SLC25A51: variants seen among roughly 807,000 people sequenced by gnomAD.
The protein encoded by SLC25A51 is mitochondrial nicotinamide adenine dinucleotide transporter SLC25A51.
SLC25A51 carries 11 observed loss-of-function variants against 19.1 expected under a neutral mutation model. The observed-to-expected ratio is 0.58, with a 90% CI of 0.36 to 0.96. The LOEUF is 0.96. Among genes scored for constraint, SLC25A51 ranks in the 40% least tolerant of loss-of-function variants. The pLI, the probability that SLC25A51 is intolerant of heterozygous loss-of-function variation, is 0.01. For missense variants in SLC25A51, 201 were observed against 365.4 expected, an observed-to-expected ratio of 0.55 and a Z score of 3.67; for synonymous variants, 105 against 133.6, an observed-to-expected ratio of 0.79 and a Z score of 1.47.
chr9:37,902,136 CA>C (rs1831861875), intron 1 of SLC25A51, among the ~76,000 whole-genome samples: 2 of 152,202 alleles, frequency 1.3e-5, no homozygotes, highest in Non-Finnish European at 2.9e-5. Flanking sequence ...GCTGTTTACA[CA>C]TGCTCCTTGA....
At chr9:37,886,767 T>C (rs1831465701), downstream of SLC25A51, among the ~76,000 whole-genome samples, 1 of 152,224 alleles carries the variant, frequency 6.6e-6, no homozygotes, top group Non-Finnish European at 1.5e-5. Flanking sequence ...TAGACCTAGA[T>C]TTAACCCTAA....
At chr9:37,893,425 T>C (rs1831642302) in intron 2 of SLC25A51, among the ~76,000 whole-genome samples, 1 of 152,178 alleles carries the variant, frequency 6.6e-6, no homozygotes, top group Admixed American at 6.5e-5. Context: ...GCCCAAAGTC[T>C]ACCCTAAGGA....
chr9:37,887,553 A>C, downstream of SLC25A51: 1 of 1,361,144 alleles, frequency 7.3e-7, no homozygotes, highest in Non-Finnish European at 9.9e-7. Flanking sequence ...GGCTTTCCAT[A>C]ATAAGATTGG....
chr9:37,882,033 T>C (rs1831358478), intron 2 of SLC25A51, among the ~76,000 whole-genome samples: 2 of 152,200 alleles, frequency 1.3e-5, no homozygotes, highest in South Asian at 4.1e-4. Flanking sequence ...TTAACCACTT[T>C]CAATAATGAA....
chr9:37,902,532 A>G (rs1246101729), intron 1 of SLC25A51, among the ~76,000 whole-genome samples: 1 of 152,242 alleles, frequency 6.6e-6, no homozygotes, highest in Non-Finnish European at 1.5e-5. Flanking sequence ...TAGAAGGATA[A>G]TGTGCACAGC....
intron 2 of SLC25A51, among the ~76,000 whole-genome samples, chr9:37,891,271 C>T (rs1279969727): frequency 3.3e-5 from 5 of 152,236 alleles, no homozygotes; most frequent in African/African-American, 7.2e-5. Flanking sequence ...CCGCCCCGTC[C>T]GGGAGGTGGG....
At chr9:37,877,901 G>C (rs1831283016), downstream of SLC25A51, among the ~76,000 whole-genome samples, 1 of 152,166 alleles carries the variant, frequency 6.6e-6, no homozygotes, top group Non-Finnish European at 1.5e-5. Flanking sequence ...CCAGCTACTG[G>C]CAATGCTGAG....
chr9:37,895,996 TA>T (rs1379135275), intron 2 of SLC25A51, among the ~76,000 whole-genome samples: 2 of 152,106 alleles, frequency 1.3e-5, no homozygotes, highest in African/African-American at 2.4e-5. Flanking sequence ...ATATTTTTAG[TA>T]AAGACAAGGT....
At chr9:37,885,548 C>A, downstream of SLC25A51, 1 of 610,898 alleles carries the variant, frequency 1.6e-6, no homozygotes, top group South Asian at 1.9e-5. Context: ...CGCCACCACG[C>A]CTGGCTAATT....
Position 37,887,635 on chromosome 9 carries a change from T to A in SLC25A51, c.*22A>T. On this transcript the variant is annotated 3_prime_UTR_variant, in exon 3 of 3. Coordinates refer to ENST00000242275, the MANE Select transcript of SLC25A51 (RefSeq NM_033412.4). ...TTAGAAGGTCTATTCAGTTGATAAA[T>A]GGCACTTAACTGATGGTTTTTTCAT... The A allele has an allele frequency of 6.3e-7, 1 of 1,586,714 alleles. No homozygotes were observed. Among genetic ancestry groups the A allele is most frequent in the Non-Finnish European group, 8.6e-7 (1 of 1,168,876 alleles).
chr9:37,887,945 A>G lies in SLC25A51; in HGVS notation c.606T>C (p.Pro202=), dbSNP rs751776838. ...GLRGPIKEHL[P]TATTHSAHLV... is the part of the protein sequence containing the mutation. ...GATGAGCACTGTGAGTCGTTGCGGT[A>G]GGCAGATGCTCCTTAATGGGACCTC... is the stretch of plus-strand genomic sequence containing the variant. The change falls in exon 3 of 3, where the codon CCT becomes CCC. Residue 202 remains proline, a synonymous_variant. Transcript: ENST00000242275. 1 of 1,611,926 alleles carries G rather than the reference A, an allele frequency of 6.2e-7. No homozygotes were observed. The highest frequency in any genetic ancestry group is 8.5e-7 in the Non-Finnish European group (1 of 1,179,866).
chr9:37,891,598 G>A (rs1831587635), intron 2 of SLC25A51, among the ~76,000 whole-genome samples: 1 of 152,060 alleles, frequency 6.6e-6, no homozygotes, highest in Non-Finnish European at 1.5e-5. Flanking sequence ...TGTCCACTCA[G>A]GGTTAAATGG....
downstream of SLC25A51, chr9:37,885,849 C>T (rs548050547): frequency 3.1e-6 from 5 of 1,602,602 alleles, no homozygotes; most frequent in Non-Finnish European, 4.3e-6. Flanking sequence ...TTACATCACA[C>T]TCTGCATAGT....
chr9:37,900,280 CT>C (rs1280659600), intron 1 of SLC25A51, among the ~76,000 whole-genome samples: 8 of 151,956 alleles, frequency 5.3e-5, no homozygotes, highest in Non-Finnish European at 7.4e-5. Flanking sequence ...GAAACCCCAT[CT>C]CTACGAAAAA....
downstream of SLC25A51, chr9:37,878,640 G>T (rs1285468618): frequency 1.3e-5 from 2 of 155,428 alleles, no homozygotes; most frequent in Non-Finnish European, 2.9e-5. Flanking sequence ...AGAAATCCCG[G>T]TTGCTCCCAG....
chr9:37,901,383 G>T (rs535318306), intron 1 of SLC25A51, among the ~76,000 whole-genome samples: 1 of 152,066 alleles, frequency 6.6e-6, no homozygotes, highest in Admixed American at 6.6e-5. Flanking sequence ...AGCCAGGCTG[G>T]TCTCAAACTC....
chr9:37,900,189 G>C (rs1485241959), intron 1 of SLC25A51, among the ~76,000 whole-genome samples: 2 of 150,934 alleles, frequency 1.3e-5, no homozygotes, highest in African/African-American at 4.9e-5. Context: ...GCTCACGCCT[G>C]TAATCCCATC....
At chr9:37,881,046 T>C (rs762680013) in intron 3 of SLC25A51, among the ~76,000 whole-genome samples, 12 of 152,220 alleles carry the variant, frequency 7.9e-5, no homozygotes, top group Non-Finnish European at 7.3e-5. Context: ...ACTGCTCCTT[T>C]ACCTTGCTGT....
intron 2 of SLC25A51, among the ~76,000 whole-genome samples, chr9:37,891,357 T>A (rs1244164489): frequency 6.6e-6 from 1 of 152,172 alleles, no homozygotes; most frequent in Non-Finnish European, 1.5e-5. Flanking sequence ...CTGGGAGGTG[T>A]ACCCAACAGC....
Sources: gnomAD v4.1 joint callset for allele counts (sites outside exome capture counted in the v4.1 genomes callset) on GRCh38, gnomAD v4.1.1 for gene constraint, MANE v1.5 for transcripts, NCBI Gene and HGNC (gene_info 2026-07-23, HGNC 2026-07-21) for gene names.